Variants in MACROD2 observed in about 807,000 individuals in gnomAD.
MACROD2 encodes ADP-ribose glycohydrolase MACROD2.
Under a neutral mutation model 70.4 loss-of-function variants are expected in MACROD2, and 36 were observed. The observed-to-expected ratio is 0.51, with a 90% CI of 0.39 to 0.68. MACROD2 has a LOEUF of 0.68. Among genes scored for constraint, MACROD2 ranks in the 30% least tolerant of loss-of-function variants. The probability of loss-of-function intolerance (pLI) is 0.00; values close to 1 mark genes in which losing one functional copy is unlikely to be tolerated. For missense variants in MACROD2, 496 were observed against 538.4 expected (o/e 0.92, Z 0.78); for synonymous variants, 172 against 178.8 (o/e 0.96, Z 0.30).
At chr20:15,892,358 A>C (rs949609226) in intron 10 of MACROD2, among the ~76,000 whole-genome samples, 1 of 152,206 alleles carries the variant, frequency 6.6e-6, no homozygotes, top group Non-Finnish European at 1.5e-5. Context: ...CTCAGACTTT[A>C]ATTTATTTGC....
chr20:14,906,617 A>C (rs1037647491), intron 5 of MACROD2, among the ~76,000 whole-genome samples: 3 of 152,230 alleles, frequency 2.0e-5, no homozygotes, highest in Non-Finnish European at 4.4e-5. Context: ...CAGTATACTA[A>C]GACAATTAAA....
chr20:15,657,336 A>G (rs2146808347), intron 8 of MACROD2, among the ~76,000 whole-genome samples: 1 of 152,340 alleles, frequency 6.6e-6, no homozygotes, highest in African/African-American at 2.4e-5. Context: ...GCTAGCTACT[A>G]AAGAGCAGAA....
At chr20:14,220,077 G>A (rs1322515748) in intron 3 of MACROD2, among the ~76,000 whole-genome samples, 1 of 152,174 alleles carries the variant, frequency 6.6e-6, no homozygotes, top group Non-Finnish European at 1.5e-5. Context: ...AGTGGTGGGT[G>A]GGGCCTAGAA....
At chr20:14,950,599 T>C (rs181319) in intron 5 of MACROD2, among the ~76,000 whole-genome samples, 47,555 of 151,964 alleles carry the variant, frequency 0.31, 8,125 homozygotes, top group African/African-American at 0.44. Context: ...TTGTTAGGTT[T>C]GTTGCTTCAG....
chr20:15,887,025 G>A (rs563259123), intron 10 of MACROD2, among the ~76,000 whole-genome samples: 3 of 152,158 alleles, frequency 2.0e-5, no homozygotes, highest in African/African-American at 7.2e-5. Flanking sequence ...AGGTATCTCA[G>A]AGGCCCTGAT....
At chr20:15,136,483 T>G (rs1394991340) in intron 5 of MACROD2, among the ~76,000 whole-genome samples, 1 of 152,184 alleles carries the variant, frequency 6.6e-6, no homozygotes, top group African/African-American at 2.4e-5. Context: ...TTTTAATAAA[T>G]GGTGCTGGGA....
chr20:14,001,604 A>T (rs1345423505), intron 1 of MACROD2, among the ~76,000 whole-genome samples: 1 of 152,112 alleles, frequency 6.6e-6, no homozygotes, highest in African/African-American at 2.4e-5. Flanking sequence ...TGAGTAATTT[A>T]TTAAAAAAAA....
At chr20:15,739,672 A>G (rs927498105) in intron 8 of MACROD2, among the ~76,000 whole-genome samples, 10 of 152,242 alleles carry the variant, frequency 6.6e-5, no homozygotes, top group African/African-American at 2.4e-4. Context: ...AGTGAATATT[A>G]AAAATGTTTG....
At chr20:14,958,023 G>A (rs1266178429) in intron 5 of MACROD2, among the ~76,000 whole-genome samples, 1 of 152,074 alleles carries the variant, frequency 6.6e-6, no homozygotes, top group Non-Finnish European at 1.5e-5. Context: ...CTCTTGTCTA[G>A]TGCTATTTGC....
intron 10 of MACROD2, among the ~76,000 whole-genome samples, chr20:15,931,904 A>G (rs1225335283): frequency 6.6e-6 from 1 of 152,036 alleles, no homozygotes; most frequent in Non-Finnish European, 1.5e-5. Context: ...ACTGCTTCTG[A>G]GGCTTTTGTT....
chr20:15,464,847 G>C (rs2046864285), intron 7 of MACROD2, among the ~76,000 whole-genome samples: 1 of 152,068 alleles, frequency 6.6e-6, no homozygotes, highest in South Asian at 2.1e-4. Flanking sequence ...TTTGAGGTGA[G>C]GATACATGTC....
chr20:15,695,899 G>A (rs987314022), intron 8 of MACROD2, among the ~76,000 whole-genome samples: 29 of 152,194 alleles, frequency 1.9e-4, no homozygotes, highest in African/African-American at 6.7e-4. Flanking sequence ...TCTTGTATCT[G>A]GAAACTTTGC....
At chr20:14,559,444 A>G (rs2041848564) in intron 4 of MACROD2, among the ~76,000 whole-genome samples, 1 of 151,716 alleles carries the variant, frequency 6.6e-6, no homozygotes, top group Admixed American at 6.6e-5. Context: ...CAGCTATGGA[A>G]GAGGATAAAG....
chr20:15,446,713 G>C (rs897310176), intron 7 of MACROD2, among the ~76,000 whole-genome samples: 4 of 152,166 alleles, frequency 2.6e-5, no homozygotes, highest in African/African-American at 9.6e-5. Flanking sequence ...TTAGCAAGCC[G>C]GAAAGATCTG....
chr20:15,463,564 A>G (rs1390734516), intron 7 of MACROD2, among the ~76,000 whole-genome samples: 1 of 152,172 alleles, frequency 6.6e-6, no homozygotes, highest in African/African-American at 2.4e-5. Flanking sequence ...AGCCTGGCCA[A>G]CATGGTGAAA....
intron 4 of MACROD2, among the ~76,000 whole-genome samples, chr20:14,661,698 A>C (rs1986234348): frequency 6.6e-6 from 1 of 151,826 alleles, no homozygotes; most frequent in African/African-American, 2.4e-5. Flanking sequence ...ACATTTAAAA[A>C]ATATATTTTC....
intron 5 of MACROD2, among the ~76,000 whole-genome samples, chr20:14,840,771 T>C (rs2073078422): frequency 1.3e-5 from 2 of 152,130 alleles, no homozygotes; most frequent in South Asian, 4.1e-4. Flanking sequence ...TCTTTTTCAC[T>C]TTACTCTTTG....
chr20:14,758,459 C>G (rs2071971388), intron 5 of MACROD2, among the ~76,000 whole-genome samples: 1 of 152,176 alleles, frequency 6.6e-6, no homozygotes, highest in African/African-American at 2.4e-5. Context: ...GGATTCAGGC[C>G]TGTGAATTTG....
chr20:14,227,131 T>A (rs1314375377), intron 3 of MACROD2, among the ~76,000 whole-genome samples: 1 of 152,138 alleles, frequency 6.6e-6, no homozygotes, highest in African/African-American at 2.4e-5. Flanking sequence ...TGTATCTAGC[T>A]ACTCTGGTGG....
Sources: gnomAD v4.1 joint callset for allele counts (sites outside exome capture counted in the v4.1 genomes callset) on GRCh38, gnomAD v4.1.1 for gene constraint, MANE v1.5 for transcripts, NCBI Gene and HGNC (gene_info 2026-07-23, HGNC 2026-07-21) for gene names.